Variants in TPTE2 observed in about 807,000 individuals in gnomAD.
TPTE2 encodes the protein phosphatidylinositol 3,4,5-trisphosphate 3-phosphatase TPTE2.
Under a neutral mutation model 78.6 loss-of-function variants are expected in TPTE2, and 53 were observed. That is an observed-to-expected ratio of 0.67 (90% CI 0.54 to 0.85). TPTE2 has a LOEUF of 0.85. TPTE2 is among the 40% of genes least tolerant of loss of function. The pLI is 0.00. For missense variants in TPTE2, 461 were observed against 623.0 expected, an observed-to-expected ratio of 0.74 and a Z score of 2.77; for synonymous variants, 175 against 206.2, an observed-to-expected ratio of 0.85 and a Z score of 1.30.
At chr13:19,530,178 G>T (rs1870777776) in intron 1 of TPTE2, among the ~76,000 whole-genome samples, 1 of 152,088 alleles carries the variant, frequency 6.6e-6, no homozygotes, top group Non-Finnish European at 1.5e-5. Flanking sequence ...TTTAAGTGCT[G>T]GCTGCACCAC....
At chr13:19,425,794 C>T (rs1876001879) in intron 18 of TPTE2, 1 of 484,604 alleles carries the variant, frequency 2.1e-6, no homozygotes, top group African/African-American at 2.0e-5. Flanking sequence ...TCCTGGATGG[C>T]TCCCCCTTCC....
intron 3 of TPTE2, among the ~76,000 whole-genome samples, chr13:19,491,901 A>T (rs1051192094): frequency 1.1e-4 from 16 of 152,268 alleles, no homozygotes; most frequent in Admixed American, 3.9e-4. Context: ...TCTTTTAAAA[A>T]TTTATTTATT....
At position 19,502,340 on chromosome 13, in the gene TPTE2, C is replaced by T. The variant is rs1239125891; in HGVS notation, c.11+884G>A. The stretch of plus-strand genomic sequence containing the variant: ...TATCAATCATGCTGCTATAAAGACA[C>T]ATGCACACGTATATTTATTGTGGCA... On this transcript the variant is annotated intron_variant, in intron 1 of 19. Transcript: ENST00000400230. 4.0e-5 allele frequency among the ~76,000 whole-genome samples: 6 copies of T among 151,282 alleles called. No homozygotes were observed. In the East Asian group the frequency reaches 9.7e-4, roughly 25 times the overall value.
upstream of TPTE2, among the ~76,000 whole-genome samples, chr13:19,507,653 A>G (rs1869160264): frequency 6.6e-6 from 1 of 152,198 alleles, no homozygotes; most frequent in Admixed American, 6.5e-5. Context: ...CTGCAAGCTA[A>G]CCCAGTGTGT....
intron 10 of TPTE2, among the ~76,000 whole-genome samples, chr13:19,453,399 T>C (rs1310586435): frequency 1.3e-5 from 2 of 151,940 alleles, no homozygotes; most frequent in South Asian, 2.1e-4. Flanking sequence ...TTAGTATACA[T>C]ATATAGAAAA....
chr13:19,513,503 A>G (rs1471630241), intron 1 of TPTE2, among the ~76,000 whole-genome samples: 1 of 152,180 alleles, frequency 6.6e-6, no homozygotes, highest in Non-Finnish European at 1.5e-5. Flanking sequence ...TCTGATGTCA[A>G]TTCATTGGGG....
At chr13:19,433,784 A>C (rs1215469397) in intron 15 of TPTE2, among the ~76,000 whole-genome samples, 3 of 152,228 alleles carry the variant, frequency 2.0e-5, no homozygotes, top group Non-Finnish European at 4.4e-5. Context: ...CATGCAGCTG[A>C]GTCCCTGTGT....
chr13:19,559,184 G>C, the TPTE2 span, among the ~76,000 whole-genome samples: 2 of 152,080 alleles, frequency 1.3e-5, no homozygotes, highest in Admixed American at 6.5e-5. Flanking sequence ...GGCATTACTT[G>C]AAAAAATAGA....
At position 19,525,908 on chromosome 13, in the gene TPTE2, A is replaced by C. The variant is rs1412664738; in HGVS notation, c.-44+10688T>G. Reference sequence around the variant, plus strand: ...AGGACAGGAACAGACACTTCTCAAAAGACATACACACAGCTAACAAACATG... The same window carrying C: ...AGGACAGGAACAGACACTTCTCAAACGACATACACACAGCTAACAAACATG... On this transcript the variant is annotated intron_variant, in intron 1 of 17. Coordinates refer to the TPTE2 transcript ENST00000390680. 3.9e-5 allele frequency among the ~76,000 whole-genome samples: 6 copies of C among 152,308 alleles called. No homozygotes were observed. In the East Asian group the frequency reaches 1.2e-3, roughly 29 times the overall value.
intron 10 of TPTE2, among the ~76,000 whole-genome samples, chr13:19,463,482 T>C (rs1879068205): frequency 6.6e-6 from 1 of 152,226 alleles, no homozygotes; most frequent in Non-Finnish European, 1.5e-5. Context: ...AGCCATTTGA[T>C]ATACTCTTTA....
At chr13:19,552,705 G>T in the TPTE2 span, 2 of 617,564 alleles carry the variant, frequency 3.2e-6, no homozygotes, top group Non-Finnish European at 5.5e-6. Flanking sequence ...CCAAAGTGAA[G>T]GTGATGTGTC....
intron 3 of TPTE2, among the ~76,000 whole-genome samples, chr13:19,491,388 T>TAC (rs1275631442): frequency 3.3e-5 from 5 of 152,294 alleles, no homozygotes; most frequent in Admixed American, 6.5e-5. Context: ...ATGAAATACA[T>TAC]ACATATATAA....
At chr13:19,506,164 T>C (rs1869011276), upstream of TPTE2, among the ~76,000 whole-genome samples, 1 of 37,430 alleles carries the variant, frequency 2.7e-5, no homozygotes, top group Non-Finnish European at 6.1e-5. Context: ...ATAAATCTTT[T>C]TTTTTTTTTT....
At chr13:19,541,538 A>G (rs953556734), upstream of TPTE2, among the ~76,000 whole-genome samples, 3 of 152,244 alleles carry the variant, frequency 2.0e-5, no homozygotes, top group African/African-American at 7.2e-5. Flanking sequence ...AAAGGAAATC[A>G]TTTAGTACTT....
chr13:19,423,271 G>T, intron 19 of TPTE2, 107 bp from the exon 23 acceptor site: 1 of 764,038 alleles, frequency 1.3e-6, no homozygotes. Flanking sequence ...ACCTCACCAT[G>T]AATAGAACCC....
At chr13:19,426,739 C>T (rs1876121005) in intron 17 of TPTE2, among the ~76,000 whole-genome samples, 1 of 152,158 alleles carries the variant, frequency 6.6e-6, no homozygotes. Flanking sequence ...CAGAGTCTCA[C>T]TGTCACCCAG....
upstream of TPTE2, among the ~76,000 whole-genome samples, chr13:19,505,196 A>T (rs2047947760): frequency 6.6e-6 from 1 of 152,040 alleles, no homozygotes; most frequent in Admixed American, 6.6e-5. Flanking sequence ...GCTGGAGTGC[A>T]GTGATGCGAT....
At chr13:19,494,125 G>A (rs1881168265) in intron 1 of TPTE2, among the ~76,000 whole-genome samples, 1 of 152,176 alleles carries the variant, frequency 6.6e-6, no homozygotes, top group Non-Finnish European at 1.5e-5. Flanking sequence ...AGCCTACTCT[G>A]CTATGTCTGG....
the TPTE2 span, among the ~76,000 whole-genome samples, chr13:19,548,235 T>C: frequency 6.6e-6 from 1 of 152,218 alleles, no homozygotes; most frequent in Non-Finnish European, 1.5e-5. Context: ...TTTGAATTGT[T>C]GTTTCCACTT....
Sources: allele counts gnomAD v4.1 joint callset (sites outside exome capture counted in the v4.1 genomes callset), GRCh38; gene constraint gnomAD v4.1.1; transcripts MANE v1.5; gene names NCBI Gene and HGNC (gene_info 2026-07-23, HGNC 2026-07-21).